The following ARMC8 variants were observed in gnomAD, a reference collection of about 807,000 sequenced individuals.
ARMC8 encodes armadillo repeat-containing protein 8.
Under a neutral mutation model 99.3 loss-of-function variants are expected in ARMC8, and 20 were observed. The ratio of observed to expected loss-of-function variants is 0.20; its 90% CI spans 0.14 to 0.29. ARMC8 has a LOEUF of 0.29. Among genes scored for constraint, ARMC8 ranks in the 10% least tolerant of loss-of-function variants. The probability of loss-of-function intolerance (pLI) is 1.00; values close to 1 mark genes in which losing one functional copy is unlikely to be tolerated. For synonymous variants in ARMC8, 263 were observed against 278.3 expected, an observed-to-expected ratio of 0.95 and a Z score of 0.55; for missense variants, 569 against 809.5, an observed-to-expected ratio of 0.70 and a Z score of 3.60.
intron 12 of ARMC8, among the ~76,000 whole-genome samples, chr3:138,256,010 C>T (rs376952480): frequency 6.6e-6 from 1 of 152,178 alleles, no homozygotes; most frequent in Admixed American, 6.5e-5. Context: ...CAAAACAAAA[C>T]TGGCTTTTAC....
intron 12 of ARMC8, among the ~76,000 whole-genome samples, chr3:138,257,135 C>T (rs1375025327): frequency 2.6e-5 from 4 of 152,136 alleles, no homozygotes; most frequent in African/African-American, 7.2e-5. Context: ...TAGTTAAGTC[C>T]ACTGCATTAA....
At chr3:138,187,738 C>G (rs1360632327) in intron 1 of ARMC8, 139 bp downstream of exon 1, 1 of 945,028 alleles carries the variant, frequency 1.1e-6, no homozygotes, top group Admixed American at 2.4e-5. Context: ...AGGGAGTGAG[C>G]GAGGGTGGAG....
intron 1 of ARMC8, among the ~76,000 whole-genome samples, chr3:138,208,730 C>T (rs919435597): frequency 2.6e-5 from 4 of 151,882 alleles, no homozygotes; most frequent in African/African-American, 9.7e-5. Context: ...GGGGACAAAA[C>T]TTTTTCTCTG....
intron 1 of ARMC8, among the ~76,000 whole-genome samples, chr3:138,192,391 C>A (rs1210700448): frequency 2.6e-5 from 4 of 151,044 alleles, no homozygotes; most frequent in African/African-American, 9.8e-5. Flanking sequence ...CATTCTCCTG[C>A]TTCAGCCTCC....
chr3:138,234,857 C>T (rs1576709839), intron 6 of ARMC8, among the ~76,000 whole-genome samples, 177 bp from the exon 7 acceptor site: 1 of 152,238 alleles, frequency 6.6e-6, no homozygotes, highest in Non-Finnish European at 1.5e-5. Context: ...TATGGTAGCC[C>T]TTTGCAGGAC....
intron 18 of ARMC8, among the ~76,000 whole-genome samples, chr3:138,283,073 C>T (rs2050094846): frequency 6.6e-6 from 1 of 152,176 alleles, no homozygotes; most frequent in African/African-American, 2.4e-5. Flanking sequence ...ATAAATAGTT[C>T]CCCAGTGTTT....
intron 1 of ARMC8, among the ~76,000 whole-genome samples, chr3:138,204,460 A>G (rs1045144469): frequency 5.9e-5 from 9 of 152,104 alleles, no homozygotes; most frequent in East Asian, 1.9e-4. Flanking sequence ...TCCTGAGTCT[A>G]CTTCTCCCTC....
chr3:138,285,065 C>T (rs2050275105), intron 19 of ARMC8, among the ~76,000 whole-genome samples: 1 of 152,236 alleles, frequency 6.6e-6, no homozygotes, highest in Non-Finnish European at 1.5e-5. Context: ...GAAGCCTCCC[C>T]TTGTCACACC....
Position 138,297,375 on chromosome 3 carries a change from C to G in ARMC8, c.*1483C>G, listed in dbSNP as rs1320126913. The G allele has an allele frequency of 2.0e-5, 3 of 152,134 alleles. No homozygotes were observed. The highest frequency in any genetic ancestry group is 2.1e-4 in the South Asian group (1 of 4,826). The allele number at this position is 152,134 out of a possible 1,614,324, so 9.4% of individuals were successfully genotyped here. Reference sequence around the variant, plus strand: ...TGAAGGTAGAAGCAGCCTACCTTTTCTCTTTGCTAAAAGAAGGTCAAAGGC... The same window carrying G: ...TGAAGGTAGAAGCAGCCTACCTTTTGTCTTTGCTAAAAGAAGGTCAAAGGC... On this transcript the variant is annotated 3_prime_UTR_variant, in exon 22 of 22. Coordinates refer to ENST00000469044, the MANE Select transcript of ARMC8 (RefSeq NM_001363941.2).
chr3:138,197,163 C>G (rs73867043), intron 1 of ARMC8, among the ~76,000 whole-genome samples: 1,722 of 152,204 alleles, frequency 0.011, 35 homozygotes, highest in African/African-American at 0.039. Context: ...TCGAAGTGGC[C>G]TGCGATATTG....
At chr3:138,196,012 A>G (rs934883805) in intron 1 of ARMC8, among the ~76,000 whole-genome samples, 1 of 152,210 alleles carries the variant, frequency 6.6e-6, no homozygotes, top group South Asian at 2.1e-4. Flanking sequence ...TTGTGGTCCA[A>G]TGGGGAGTTT....
rs77826103 is a variant in ARMC8 at position 138,284,673 on chromosome 3, T to C, written c.1821+147T>C. 755 of 622,658 alleles carry C rather than the reference T, an allele frequency of 1.2e-3. 6 individuals carry two copies. The African/African-American group carries it at 0.013, about 10-fold the overall frequency. 38.6% of individuals were successfully genotyped at this position (622,658 alleles called of 1,614,324 possible). On this transcript the variant is annotated intron_variant, in intron 19 of 21. Transcript: ENST00000469044. ...AGATTCAAAGAACTCTCTTCCATCCTGAAGAAAAAGAAAAAAACACCAACT... is the reference window on the plus strand; with the variant it reads ...AGATTCAAAGAACTCTCTTCCATCCCGAAGAAAAAGAAAAAAACACCAACT...
chr3:138,292,988 T>A (rs1230663709), intron 21 of ARMC8, among the ~76,000 whole-genome samples: 1 of 152,108 alleles, frequency 6.6e-6, no homozygotes, highest in Non-Finnish European at 1.5e-5. Flanking sequence ...AAAACTCATA[T>A]CAGGTTGCTA....
At chr3:138,270,697 A>G (rs977495975) in intron 16 of ARMC8, among the ~76,000 whole-genome samples, 4 of 152,170 alleles carry the variant, frequency 2.6e-5, no homozygotes, top group African/African-American at 7.2e-5. Flanking sequence ...CATTTTTTGC[A>G]GAATGATTAA....
chr3:138,250,889 G>A (rs1297627750), intron 12 of ARMC8, among the ~76,000 whole-genome samples: 2 of 152,144 alleles, frequency 1.3e-5, no homozygotes, highest in Non-Finnish European at 2.9e-5. Flanking sequence ...GCTCACGCCT[G>A]TAATTCTAGC....
intron 16 of ARMC8, among the ~76,000 whole-genome samples, chr3:138,272,340 G>A (rs1189984235): frequency 6.6e-6 from 1 of 152,148 alleles, no homozygotes; most frequent in Non-Finnish European, 1.5e-5. Context: ...GTGTACAGCA[G>A]GCAACTTGAT....
chr3:138,226,582 C>T (rs1337385543), intron 5 of ARMC8, among the ~76,000 whole-genome samples: 1 of 152,170 alleles, frequency 6.6e-6, no homozygotes. Context: ...CAAAGGATCC[C>T]ATAGAGGGCT....
rs895814364 is a variant in ARMC8 at position 138,220,323 on chromosome 3, C to G, written c.123-1603C>G. Reference sequence around the variant, plus strand: ...GCTAACAACCTCAGTAAACTTCATTCAGTTCAGTCCCATAAACAACAACAA... The same window carrying G: ...GCTAACAACCTCAGTAAACTTCATTGAGTTCAGTCCCATAAACAACAACAA... On this transcript the variant is annotated intron_variant, in intron 2 of 21. Coordinates refer to ENST00000469044, the MANE Select transcript of ARMC8 (RefSeq NM_001363941.2). Among the ~76,000 whole-genome samples, 10 of 152,306 alleles carry G rather than the reference C, an allele frequency of 6.6e-5. No homozygotes were observed. In the East Asian group the frequency reaches 1.9e-3, roughly 29 times the overall value.
chr3:138,231,336 AG>A (rs2046016264), intron 6 of ARMC8, among the ~76,000 whole-genome samples: 2 of 152,172 alleles, frequency 1.3e-5, no homozygotes, highest in Admixed American at 6.5e-5. Context: ...TAAGACTCAT[AG>A]GGACTCACAT....
Sources: gnomAD v4.1 joint callset for allele counts (sites outside exome capture counted in the v4.1 genomes callset) on GRCh38, gnomAD v4.1.1 for gene constraint, MANE v1.5 for transcripts, NCBI Gene and HGNC (gene_info 2026-07-23, HGNC 2026-07-21) for gene names.